LRBA: variants seen among roughly 807,000 people sequenced by gnomAD.
The protein encoded by LRBA is lipopolysaccharide-responsive and beige-like anchor protein.
In LRBA, 176 loss-of-function variants were observed where a neutral mutation model predicts 330.0. The ratio of observed to expected loss-of-function variants is 0.53; its 90% CI spans 0.47 to 0.60. The LOEUF (loss-of-function observed/expected upper bound fraction) is 0.60. LRBA is among the 20% of genes least tolerant of loss of function. The probability of loss-of-function intolerance (pLI) is 0.00; values close to 1 mark genes in which losing one functional copy is unlikely to be tolerated. For missense variants in LRBA, 3,259 were observed against 3,444.8 expected (o/e 0.95, Z 1.35); for synonymous variants, 1,230 against 1,193.0 (o/e 1.03, Z -0.64).
In LRBA at chr4:150,963,954, C is replaced by T. The variant is rs1047538761; in HGVS notation, c.217-34889G>A. On this transcript the variant is annotated intron_variant, in intron 2 of 56. Transcript: ENST00000651943. ...GAAGAGTGCCTCTGCCCTGCCGCGA[C>T]CCCGTCTGGGAACTGAGGAGTGTCT... 4.7e-5 allele frequency among the ~76,000 whole-genome samples: 7 copies of T among 148,356 alleles called. 1 individual carries two copies. Among genetic ancestry groups the T allele is most frequent in the Non-Finnish European group, 7.4e-5 (5 of 67,920 alleles).
chr4:150,349,781 G>A (rs1463053328), intron 48 of LRBA, among the ~76,000 whole-genome samples: 4 of 152,028 alleles, frequency 2.6e-5, no homozygotes, highest in South Asian at 2.1e-4. Context: ...AGAAAAAGCC[G>A]TCATCTTATA....
intron 34 of LRBA, among the ~76,000 whole-genome samples, chr4:150,765,203 A>G (rs1417162753): frequency 6.6e-6 from 1 of 152,064 alleles, no homozygotes; most frequent in Non-Finnish European, 1.5e-5. Flanking sequence ...ACTATATGAC[A>G]TTTTGGAAAA....
chr4:150,654,904 T>C (rs929081095), intron 37 of LRBA, among the ~76,000 whole-genome samples: 3 of 152,206 alleles, frequency 2.0e-5, no homozygotes, highest in Non-Finnish European at 2.9e-5. Context: ...TAGTATTCCA[T>C]GGTGTAAATG....
chr4:150,481,332 T>A (rs1026814816), intron 42 of LRBA, among the ~76,000 whole-genome samples: 2 of 152,126 alleles, frequency 1.3e-5, no homozygotes, highest in Admixed American at 6.6e-5. Context: ...TGTACTGATA[T>A]CCTTTCGTGT....
In LRBA at chr4:150,851,959, T is replaced by C. The variant is rs143973442; in HGVS notation, c.3751A>G (p.Thr1251Ala). The C allele has an allele frequency of 1.2e-4, 193 of 1,614,170 alleles. 2 individuals carry two copies. The African/African-American group carries it at 1.5e-3, about 13-fold the overall frequency. The change falls in exon 23 of 57, where the codon ACA becomes GCA. Residue 1251 changes from threonine (T) to alanine (A), a missense_variant. Transcript: ENST00000651943. ...TTCAACTCCAGCCTCTCAGTATCTGTAGCAACATTGGAAACATCCAACTTC... is the reference window on the plus strand; with the variant it reads ...TTCAACTCCAGCCTCTCAGTATCTGCAGCAACATTGGAAACATCCAACTTC... ...IAKLDVSNVATDTERLELKAS... is the reference protein window; with the variant it reads ...IAKLDVSNVAADTERLELKAS...
chr4:150,348,554 CAA>C (rs1736715629), intron 48 of LRBA, among the ~76,000 whole-genome samples: 1 of 152,022 alleles, frequency 6.6e-6, no homozygotes, highest in African/African-American at 2.4e-5. Flanking sequence ...GTACAAAAAA[CAA>C]TATGCTGGTA....
intron 34 of LRBA, among the ~76,000 whole-genome samples, chr4:150,778,328 A>G (rs1208682658): frequency 6.6e-6 from 1 of 152,210 alleles, no homozygotes; most frequent in Non-Finnish European, 1.5e-5. Context: ...AAAGAACTGA[A>G]TAAAGAGAAA....
intron 2 of LRBA, among the ~76,000 whole-genome samples, chr4:150,987,706 C>CAAA (rs943074008): frequency 7.6e-6 from 1 of 130,952 alleles, no homozygotes; most frequent in East Asian, 2.2e-4. Flanking sequence ...TCTCTGTATC[C>CAAA]AAAAAAAAAA....
At chr4:150,285,603 G>A (rs948554542) in intron 54 of LRBA, among the ~76,000 whole-genome samples, 2 of 152,150 alleles carry the variant, frequency 1.3e-5, no homozygotes, top group Non-Finnish European at 2.9e-5. Context: ...AATATTAACA[G>A]GATATGTTTG....
chr4:150,561,636 A>G (rs993257772), intron 40 of LRBA, among the ~76,000 whole-genome samples: 2 of 152,166 alleles, frequency 1.3e-5, no homozygotes, highest in Admixed American at 1.3e-4. Flanking sequence ...GAAGTTGGAA[A>G]AGGTAAGGAA....
intron 47 of LRBA, among the ~76,000 whole-genome samples, chr4:150,382,880 A>C (rs2151892556): frequency 6.6e-6 from 1 of 152,342 alleles, no homozygotes; most frequent in Admixed American, 6.5e-5. Context: ...ACTCATAAGG[A>C]CAAACAACCT....
intron 34 of LRBA, among the ~76,000 whole-genome samples, chr4:150,785,205 C>T (rs1399979390): frequency 6.6e-6 from 1 of 152,000 alleles, no homozygotes; most frequent in African/African-American, 2.4e-5. Flanking sequence ...TCCTCTTATG[C>T]TGAGTTAGTT....
intron 44 of LRBA, among the ~76,000 whole-genome samples, chr4:150,447,029 A>G (rs923181288): frequency 1.3e-5 from 2 of 152,170 alleles, no homozygotes; most frequent in Non-Finnish European, 2.9e-5. Flanking sequence ...TAAAGCTCGG[A>G]TTTAGAAACC....
chr4:150,764,667 C>T (rs1190575206), intron 34 of LRBA, among the ~76,000 whole-genome samples: 1 of 151,940 alleles, frequency 6.6e-6, no homozygotes, highest in African/African-American at 2.4e-5. Context: ...GGCAAATAAG[C>T]ATATGAAAGA....
intron 47 of LRBA, among the ~76,000 whole-genome samples, chr4:150,364,877 G>A (rs1739220513): frequency 6.6e-6 from 1 of 151,486 alleles, no homozygotes; most frequent in Admixed American, 6.6e-5. Context: ...TTATATTCTA[G>A]GCCTCTTTTT....
Position 150,852,292 on chromosome 4 carries a change from C to T in LRBA, c.3418G>A (p.Glu1140Lys). ...QDNSLSPAAS[E>K]AGEKLDMFGN... ...AACATGTCCAGTTTTTCACCGGCTT[C>T]AGATGCAGCTGGAGACAAACTGTTA... Residue 1140 changes from glutamate to lysine, a missense_variant, in exon 23 of 57, where the codon GAA becomes AAA. Glu to Lys is a moderately conservative substitution (Grantham distance 56). Coordinates refer to ENST00000651943, the MANE Select transcript of LRBA (RefSeq NM_001364905.1). 6.2e-7 allele frequency: 1 copy of T among 1,614,096 alleles called. No individual in the cohort carries two copies. The highest frequency in any genetic ancestry group is 8.5e-7 in the Non-Finnish European group (1 of 1,180,012).
rs1753840660 is a variant in LRBA, at chr4:150,454,828, G to A, written c.6780+12845C>T. Among the ~76,000 whole-genome samples, 4 of 151,930 alleles carry A rather than the reference G, an allele frequency of 2.6e-5. No individual in the cohort carries two copies. In the South Asian group the frequency reaches 8.3e-4, roughly 32 times the overall value. ...AGTTCCCGCTTACAAGTAATAACAT[G>A]TGGTATTTGGTTTTCCATTCCTGAG... is the stretch of plus-strand genomic sequence containing the variant. On this transcript the variant is annotated intron_variant, in intron 44 of 56. Transcript: ENST00000651943.
chr4:150,956,990 C>T (rs1148637), intron 2 of LRBA, among the ~76,000 whole-genome samples: 141,407 of 148,438 alleles, frequency 0.95, 68,612 homozygotes, highest in Non-Finnish European at 1. Context: ...TACACACTCA[C>T]ACATAAATAT....
At chr4:150,690,056 T>A (rs958096555) in intron 36 of LRBA, among the ~76,000 whole-genome samples, 1 of 151,872 alleles carries the variant, frequency 6.6e-6, no homozygotes, top group African/African-American at 2.4e-5. Flanking sequence ...GCTAGATAAA[T>A]GAAGAAATAT....
Sources: gnomAD v4.1 joint callset for allele counts (sites outside exome capture counted in the v4.1 genomes callset) on GRCh38, gnomAD v4.1.1 for gene constraint, MANE v1.5 for transcripts, NCBI Gene and HGNC (gene_info 2026-07-23, HGNC 2026-07-21) for gene names.